TTBK2: variants seen among roughly 807,000 people sequenced by gnomAD.
The protein encoded by TTBK2 is tau tubulin kinase 2.
A neutral mutation model predicts 110.8 loss-of-function variants in TTBK2; 28 were observed. The ratio of observed to expected loss-of-function variants is 0.25; its 90% CI spans 0.19 to 0.35. The LOEUF (loss-of-function observed/expected upper bound fraction) is 0.35. Among genes scored for constraint, TTBK2 ranks in the 10% least tolerant of loss-of-function variants. The pLI, the probability that TTBK2 is intolerant of heterozygous loss-of-function variation, is 1.00. For missense variants in TTBK2, 1,369 were observed against 1,500.3 expected, an observed-to-expected ratio of 0.91 and a Z score of 1.45; for synonymous variants, 532 against 527.3, an observed-to-expected ratio of 1.01 and a Z score of -0.12.
chr15:42,895,876 T>C (rs1267256059), intron 1 of TTBK2, among the ~76,000 whole-genome samples: 1 of 151,418 alleles, frequency 6.6e-6, no homozygotes, highest in Admixed American at 6.6e-5. Context: ...TCCCAGAACA[T>C]TTTCACCATC....
At chr15:42,751,828 T>C in intron 14 of TTBK2, 146 bp downstream of exon 14, 1 of 916,826 alleles carries the variant, frequency 1.1e-6, no homozygotes, top group Non-Finnish European at 1.7e-6. Flanking sequence ...TTACTTCTAC[T>C]GCACTAGGCT....
At chr15:42,788,174 A>G (rs1890491652) in intron 10 of TTBK2, among the ~76,000 whole-genome samples, 1 of 152,188 alleles carries the variant, frequency 6.6e-6, no homozygotes, top group African/African-American at 2.4e-5. Flanking sequence ...CTGTAGTTTA[A>G]TAGGTTCTTA....
At chr15:42,837,620 C>T (rs1044687840) in intron 4 of TTBK2, among the ~76,000 whole-genome samples, 5 of 136,762 alleles carry the variant, frequency 3.7e-5, no homozygotes, top group African/African-American at 1.4e-4. Flanking sequence ...GATTGTGCCA[C>T]TGCACTCCTG....
intron 8 of TTBK2, 102 bp from the exon 9 acceptor site, chr15:42,810,841 A>T: frequency 7.5e-7 from 1 of 1,328,162 alleles, no homozygotes; most frequent in South Asian, 1.2e-5. Context: ...AGGGAATGAG[A>T]TAGTGGGTAA....
intron 3 of TTBK2, among the ~76,000 whole-genome samples, chr15:42,851,121 G>A (rs562813269): frequency 1.3e-4 from 20 of 151,806 alleles, no homozygotes; most frequent in African/African-American, 2.4e-4. Context: ...GGTGGTGGGC[G>A]CCTGTAGTCC....
rs1891995255 is a variant in TTBK2, at chr15:42,816,081, A to ATATATATATAT, written c.603+950_603+951insATATATATATA. Among the ~76,000 whole-genome samples the ATATATATATAT allele has an allele frequency of 1.5e-4, 9 of 60,290 alleles. No individual in the cohort carries two copies. The East Asian group carries it at 1.6e-3, about 10-fold the overall frequency. The allele number at this position is 60,290 out of a possible 152,430, so 39.6% of individuals were successfully genotyped here. On this transcript the variant is annotated intron_variant, in intron 7 of 14. Transcript: ENST00000267890. ...AAATATATATATATAAAAATAAATAAATAAATATATATATATATATATATA... is the reference window on the plus strand; with the variant it reads ...AAATATATATATATAAAAATAAATAATATATATATATATAAATATATATATATATATATATA...
intron 3 of TTBK2, among the ~76,000 whole-genome samples, chr15:42,869,756 T>G (rs939716945): frequency 2.6e-5 from 4 of 152,210 alleles, no homozygotes; most frequent in South Asian, 2.1e-4. Context: ...AGGGCTATAC[T>G]TATTAGGAAT....
intron 4 of TTBK2, among the ~76,000 whole-genome samples, chr15:42,835,691 TTG>T (rs1412238744): frequency 6.6e-6 from 1 of 152,120 alleles, no homozygotes; most frequent in African/African-American, 2.4e-5. Context: ...GGTTTGATAT[TTG>T]TGTTATTATT....
intron 4 of TTBK2, among the ~76,000 whole-genome samples, chr15:42,839,812 G>C (rs1893147050): frequency 6.6e-6 from 1 of 152,146 alleles, no homozygotes; most frequent in African/African-American, 2.4e-5. Flanking sequence ...TAAAAAGGAT[G>C]AGCTGGGACC....
At chr15:42,888,681 A>G (rs1895335566) in intron 1 of TTBK2, among the ~76,000 whole-genome samples, 1 of 152,150 alleles carries the variant, frequency 6.6e-6, no homozygotes, top group African/African-American at 2.4e-5. Context: ...TATGGGCTGA[A>G]AAGTTTCCTC....
chr15:42,919,411 C>T (rs1177797023), intron 1 of TTBK2, among the ~76,000 whole-genome samples: 1 of 152,148 alleles, frequency 6.6e-6, no homozygotes, highest in Non-Finnish European at 1.5e-5. Context: ...ACACAGCCAA[C>T]ACATCTTTGT....
chr15:42,776,782 C>A (rs1051756908), intron 12 of TTBK2: 14 of 576,350 alleles, frequency 2.4e-5, no homozygotes, highest in East Asian at 2.9e-5. Context: ...AGGAAGTCAT[C>A]AGCTCTTACT....
At chr15:42,852,555 A>G (rs1168974558) in intron 3 of TTBK2, among the ~76,000 whole-genome samples, 1 of 152,234 alleles carries the variant, frequency 6.6e-6, no homozygotes, top group East Asian at 1.9e-4. Context: ...GAGCATATAT[A>G]AATATGTACG....
At chr15:42,915,527 A>T (rs2031032886) in intron 1 of TTBK2, among the ~76,000 whole-genome samples, 1 of 152,230 alleles carries the variant, frequency 6.6e-6, no homozygotes, top group Non-Finnish European at 1.5e-5. Flanking sequence ...AATTATCTAT[A>T]GGGTAAGGTA....
chr15:42,856,504 A>G (rs992785029), intron 3 of TTBK2, among the ~76,000 whole-genome samples: 1 of 152,202 alleles, frequency 6.6e-6, no homozygotes, highest in African/African-American at 2.4e-5. Flanking sequence ...CTGTAAAATG[A>G]TATTTTTGAG....
intron 14 of TTBK2, among the ~76,000 whole-genome samples, chr15:42,746,963 A>AT (rs377241095): frequency 0.059 from 7,912 of 135,242 alleles, 657 homozygotes; most frequent in African/African-American, 0.18. Context: ...TGGGCCTCAG[A>AT]TTTTTTTTTT....
intron 4 of TTBK2, among the ~76,000 whole-genome samples, chr15:42,831,684 A>G (rs1314630789): frequency 6.6e-6 from 1 of 152,172 alleles, no homozygotes; most frequent in Non-Finnish European, 1.5e-5. Context: ...CCTCTTTCAC[A>G]GAGCTTTTCT....
chr15:42,787,972 G>T (rs1044357795), intron 10 of TTBK2, among the ~76,000 whole-genome samples: 1 of 151,912 alleles, frequency 6.6e-6, no homozygotes, highest in African/African-American at 2.4e-5. Context: ...TTGCTCCTAG[G>T]TTACAAACCT....
At chr15:42,918,973 G>A (rs2031231527) in intron 1 of TTBK2, among the ~76,000 whole-genome samples, 2 of 152,128 alleles carry the variant, frequency 1.3e-5, no homozygotes, top group Admixed American at 6.6e-5. Flanking sequence ...TGAAGTTATG[G>A]ACTTTAATTT....
Sources: allele counts gnomAD v4.1 joint callset (sites outside exome capture counted in the v4.1 genomes callset), GRCh38; gene constraint gnomAD v4.1.1; transcripts MANE v1.5; gene names NCBI Gene and HGNC (gene_info 2026-07-23, HGNC 2026-07-21).